GLB1L2: variants seen among roughly 807,000 people sequenced by gnomAD.
The protein encoded by GLB1L2 is galactosidase beta 1 like 2.
GLB1L2 carries 68 observed loss-of-function variants against 84.1 expected under a neutral mutation model. That is an observed-to-expected ratio of 0.81 (90% CI 0.67 to 0.99). GLB1L2 has a LOEUF of 0.99. GLB1L2 is among the 50% of genes least tolerant of loss of function. The pLI, the probability that GLB1L2 is intolerant of heterozygous loss-of-function variation, is 0.00. For missense variants in GLB1L2, 762 were observed against 805.6 expected (o/e 0.95, Z 0.66); for synonymous variants, 290 against 318.0 (o/e 0.91, Z 0.94).
At chr11:134,344,244 C>T in intron 2 of GLB1L2, 143 bp from the exon 3 acceptor site, 2 of 1,001,562 alleles carry the variant, frequency 2.0e-6, no homozygotes, top group Non-Finnish European at 3.1e-6. Flanking sequence ...GATCAGTTCA[C>T]TTAGTTCTTG....
Position 134,337,674 on chromosome 11 carries a change from T to G in GLB1L2, c.87-5080T>G, listed in dbSNP as rs113220313. On this transcript the variant is annotated intron_variant, in intron 1 of 18. Transcript: ENST00000535456. ...AACCGAACCAGAATCCTGAGAGTGATGAAGTCTGCACTGAAGACACATCCA... is the reference window on the plus strand; with the variant it reads ...AACCGAACCAGAATCCTGAGAGTGAGGAAGTCTGCACTGAAGACACATCCA... Among the ~76,000 whole-genome samples, 821 of 152,294 alleles carry G rather than the reference T, an allele frequency of 5.4e-3. 8 individuals carry two copies. Among genetic ancestry groups the G allele is most frequent in the African/African-American group, 0.019 (778 of 41,542 alleles).
intron 1 of GLB1L2, among the ~76,000 whole-genome samples, chr11:134,336,745 TGTG>T (rs1565432380): frequency 7.1e-6 from 1 of 140,730 alleles, no homozygotes; most frequent in Non-Finnish European, 1.6e-5. Flanking sequence ...ATAAGTCCTA[TGTG>T]GTGGATTAAA....
At chr11:134,367,773 C>T (rs972789384) in intron 9 of GLB1L2, among the ~76,000 whole-genome samples, 2 of 152,210 alleles carry the variant, frequency 1.3e-5, no homozygotes, top group East Asian at 1.9e-4. Flanking sequence ...AATGCACATA[C>T]GGACAGCTTT....
chr11:134,367,177 TG>T, intron 8 of GLB1L2, 79 bp from the exon 9 acceptor site: 1 of 1,174,456 alleles, frequency 8.5e-7, no homozygotes, highest in Non-Finnish European at 1.3e-6. Flanking sequence ...GCAGAGATCC[TG>T]GGGCTCCCCT....
chr11:134,348,520 GA>G (rs1276240537), intron 5 of GLB1L2, among the ~76,000 whole-genome samples: 1 of 152,080 alleles, frequency 6.6e-6, no homozygotes, highest in Admixed American at 6.5e-5. Context: ...GCATCTTTTT[GA>G]AATAAACGAT....
In GLB1L2 at chr11:134,338,755, G is replaced by C. The variant is rs1003542038; in HGVS notation, c.87-3999G>C. 1.2e-4 allele frequency among the ~76,000 whole-genome samples: 18 copies of C among 152,186 alleles called. No homozygotes were observed. The highest frequency in any genetic ancestry group is 2.1e-4 in the Non-Finnish European group (14 of 68,024). On this transcript the variant is annotated intron_variant, in intron 1 of 18. Coordinates refer to ENST00000535456, the MANE Select transcript of GLB1L2 (RefSeq NM_001370461.1). This position sits in a 1 kb window ranked among gnomAD's most constrained non-coding sequence, Gnocchi z 6.2. ...AATAGTGCATGCCCCTTTTCCACTT[G>C]CCAAAAGGGAACTGGTGAGGATGGG...
chr11:134,366,538 C>T (rs961610513), intron 8 of GLB1L2, among the ~76,000 whole-genome samples: 1 of 152,200 alleles, frequency 6.6e-6, no homozygotes, highest in African/African-American at 2.4e-5. Flanking sequence ...TTAGTCTTTA[C>T]ACCTCCCCCA....
intron 1 of GLB1L2, 65 bp from the exon 2 acceptor site, chr11:134,342,681 TGCGAAGGG>T: frequency 6.9e-7 from 1 of 1,445,784 alleles, no homozygotes; most frequent in Non-Finnish European, 9.4e-7. Context: ...GCCGAGGACC[TGCGAAGGG>T]GCGAGGAAGC....
At position 134,364,324 on chromosome 11, in the gene GLB1L2, ACAGTCTTGGC is replaced by A. The variant is rs1943836419; in HGVS notation, c.734-1_742del. The stretch of plus-strand genomic sequence containing the variant: ...GTCTCTCTCTCTCCTCTTCCCTTTA[ACAGTCTTGGC>A]CACCATCAACTTGCAGTCAACACAC... On this transcript the variant is annotated splice_acceptor_variant and splice_polypyrimidine_tract_variant and coding_sequence_variant and intron_variant, in exon 8 of 19. Coordinates refer to ENST00000535456, the MANE Select transcript of GLB1L2 (RefSeq NM_001370461.1). LOFTEE classifies it high-confidence loss of function. The A allele has an allele frequency of 6.2e-7, 1 of 1,612,688 alleles. No homozygotes were observed. Among genetic ancestry groups the A allele is most frequent in the Non-Finnish European group, 8.5e-7 (1 of 1,179,076 alleles).
chr11:134,338,953 T>G lies in GLB1L2; in HGVS notation c.87-3801T>G, dbSNP rs1279037157. The stretch of plus-strand genomic sequence containing the variant: ...TGGGCACTGAGCACTGAGTTCAGGG[T>G]TTGCTGTCCGGACTCTTCTAAGGTG... On this transcript the variant is annotated intron_variant, in intron 1 of 18. Transcript: ENST00000535456. The surrounding 1 kb of genome is among the most constrained non-coding windows in gnomAD (Gnocchi z 6.2). Among the ~76,000 whole-genome samples the G allele has an allele frequency of 3.3e-5, 5 of 152,002 alleles. No individual in the cohort carries two copies.
intron 7 of GLB1L2, chr11:134,361,248 T>A (rs1021688831): frequency 6.6e-6 from 1 of 152,066 alleles, no homozygotes; most frequent in African/African-American, 2.4e-5. Context: ...ATTGCTTGAA[T>A]GTGAGAGGCA....
chr11:134,367,406 C>A, intron 9 of GLB1L2, 65 bp downstream of exon 9: 3 of 1,343,502 alleles, frequency 2.2e-6, no homozygotes, highest in African/African-American at 1.4e-5. Context: ...GAGTTTCAGT[C>A]ACCTGCTAAC....
chr11:134,344,495 G>A, intron 3 of GLB1L2, 40 bp downstream of exon 3: 2 of 1,600,488 alleles, frequency 1.2e-6, no homozygotes. Context: ...GCCAGGGGCA[G>A]GGCACAGAGG....
At chr11:134,355,847 G>T (rs757995682) in intron 5 of GLB1L2, among the ~76,000 whole-genome samples, 1 of 152,148 alleles carries the variant, frequency 6.6e-6, no homozygotes, top group Non-Finnish European at 1.5e-5. Context: ...TTAGAACATC[G>T]TGAACAAGTT....
intron 5 of GLB1L2, among the ~76,000 whole-genome samples, chr11:134,347,930 C>T (rs1298445446): frequency 2.0e-5 from 3 of 152,208 alleles, no homozygotes; most frequent in African/African-American, 7.2e-5. Flanking sequence ...ATACTTCCCT[C>T]TGCTACCAAA....
chr11:134,370,173 G>T lies in GLB1L2; in HGVS notation c.1109-120G>T, dbSNP rs150181444. The T allele has an allele frequency of 1.8e-5, 16 of 871,670 alleles. No homozygotes were observed. In the Admixed American group the frequency reaches 2.0e-4, roughly 11 times the overall value. The allele number at this position is 871,670 out of a possible 1,614,324, so 54.0% of individuals were successfully genotyped here. On this transcript the variant is annotated intron_variant, in intron 11 of 18. Transcript: ENST00000535456. This position sits in a 1 kb window ranked among gnomAD's most constrained non-coding sequence, Gnocchi z 4.7. ...AGCAGGTGCTGAGAGCTAGCCTGTTGTTCCTCTTGGTGCTGGGACGCAGGA... is the reference window on the plus strand; with the variant it reads ...AGCAGGTGCTGAGAGCTAGCCTGTTTTTCCTCTTGGTGCTGGGACGCAGGA...
chr11:134,371,315 C>T (rs1943949233), intron 13 of GLB1L2, 106 bp from the exon 14 acceptor site: 2 of 1,181,118 alleles, frequency 1.7e-6, no homozygotes, highest in East Asian at 2.3e-5. Flanking sequence ...GCCCACTGGC[C>T]CCTCGTCTGC....
At chr11:134,351,520 T>C (rs1003389462) in intron 5 of GLB1L2, among the ~76,000 whole-genome samples, 2 of 152,040 alleles carry the variant, frequency 1.3e-5, no homozygotes, top group Non-Finnish European at 2.9e-5. Flanking sequence ...TAATTTTGTA[T>C]TTTCAGTAGA....
At chr11:134,335,903 C>T (rs560200985) in intron 1 of GLB1L2, among the ~76,000 whole-genome samples, 1 of 152,270 alleles carries the variant, frequency 6.6e-6, no homozygotes, top group South Asian at 2.1e-4. Flanking sequence ...TCCCTCCCTC[C>T]CTCTCCACCA....
Sources: allele counts gnomAD v4.1 joint callset (sites outside exome capture counted in the v4.1 genomes callset), GRCh38; gene constraint gnomAD v4.1.1; non-coding constraint Gnocchi (gnomAD v3.1); transcripts MANE v1.5; gene names NCBI Gene and HGNC (gene_info 2026-07-23, HGNC 2026-07-21).